The following ATG7 variants were observed in gnomAD, a reference collection of about 807,000 sequenced individuals.
ATG7 encodes autophagy related 7, also known as ubiquitin-like modifier-activating enzyme ATG7.
Under a neutral mutation model 82.4 loss-of-function variants are expected in ATG7, and 70 were observed. The ratio of observed to expected loss-of-function variants is 0.85; its 90% CI spans 0.70 to 1.04. The LOEUF is 1.04. Ranked by LOEUF, ATG7 falls within the 50% of genes least tolerant of loss-of-function variation. The pLI is 0.00. For synonymous variants in ATG7, 287 were observed against 313.0 expected (o/e 0.92, Z 0.88); for missense variants, 792 against 864.3 (o/e 0.92, Z 1.05).
chr3:11,417,800 A>ATTATTTTTTTTTTTTTTTTTT (rs1553652380), intron 19 of ATG7, among the ~76,000 whole-genome samples: 12 of 109,368 alleles, frequency 1.1e-4, no homozygotes, highest in African/African-American at 1.6e-4. Context: ...TATTATTATT[A>ATTATTTTTTTTTTTTTTTTTT]TTTTATTTTA....
intron 20 of ATG7, among the ~76,000 whole-genome samples, chr3:11,461,161 C>T (rs947587757): frequency 1.3e-5 from 2 of 152,152 alleles, no homozygotes; most frequent in African/African-American, 4.8e-5. Context: ...GGTGTCAGTG[C>T]TGGGCAGGTT....
chr3:11,289,849 T>G (rs1168889512), intron 3 of ATG7, among the ~76,000 whole-genome samples: 2 of 151,786 alleles, frequency 1.3e-5, no homozygotes, highest in Admixed American at 6.5e-5. Context: ...CATGGACCAC[T>G]GCACTGGGCC....
At chr3:11,352,320 A>G (rs568450439) in intron 14 of ATG7, among the ~76,000 whole-genome samples, 3 of 152,332 alleles carry the variant, frequency 2.0e-5, no homozygotes, top group East Asian at 1.9e-4. Context: ...ATATGTGTGC[A>G]TGTGTCTTTA....
At chr3:11,413,880 C>G (rs1250957827) in intron 19 of ATG7, among the ~76,000 whole-genome samples, 1 of 152,182 alleles carries the variant, frequency 6.6e-6, no homozygotes, top group Non-Finnish European at 1.5e-5. Context: ...CAGGAGATTT[C>G]TGATTACTGA....
intron 13 of ATG7, among the ~76,000 whole-genome samples, chr3:11,344,057 TG>T (rs1358461517): frequency 1.3e-5 from 2 of 152,192 alleles, no homozygotes; most frequent in Non-Finnish European, 2.9e-5. Context: ...TATTTAATGA[TG>T]TTTTTTCCTT....
At chr3:11,529,508 G>C (rs1223029772) in intron 20 of ATG7, 1 of 154,020 alleles carries the variant, frequency 6.5e-6, no homozygotes, top group Non-Finnish European at 1.5e-5. Context: ...AGCTTGTCCT[G>C]TTGGCCTTGG....
the ATG7 span, among the ~76,000 whole-genome samples, chr3:11,571,234 C>T: frequency 6.6e-6 from 1 of 152,166 alleles, no homozygotes; most frequent in African/African-American, 2.4e-5. Flanking sequence ...CTGTCTCTGC[C>T]TTCTATGCGT....
At position 11,546,162 on chromosome 3, in the gene ATG7, A is replaced by ATTTT. The variant is rs36042370; in HGVS notation, c.2080-8625_2080-8622dup. ...AAAAGTAAAGAAATGCCAAAACTGG[A>ATTTT]TTTTTTTTTTTTTTTTTTTTTTTTT... is the stretch of plus-strand genomic sequence containing the variant. On this transcript the variant is annotated intron_variant, in intron 20 of 20. Coordinates refer to ENST00000693202, the MANE Select transcript of ATG7 (RefSeq NM_001349232.2). Among the ~76,000 whole-genome samples, 216 of 68,896 alleles carry ATTTT rather than the reference A, an allele frequency of 3.1e-3. 26 individuals carry two copies. Among genetic ancestry groups the ATTTT allele is most frequent in the African/African-American group, 0.012 (203 of 17,076 alleles). 45.2% of individuals were successfully genotyped at this position (68,896 alleles called of 152,430 possible). A position where few individuals can be genotyped will look rare whatever the true frequency, so the allele number is the denominator to read the frequency against.
intron 20 of ATG7, among the ~76,000 whole-genome samples, chr3:11,525,787 G>A (rs1156662629): frequency 6.6e-6 from 1 of 151,396 alleles, no homozygotes; most frequent in African/African-American, 2.4e-5. Flanking sequence ...ATCTCCTGAC[G>A]TTGTGATCTG....
At chr3:11,343,193 T>A (rs1953950670) in intron 13 of ATG7, among the ~76,000 whole-genome samples, 1 of 152,310 alleles carries the variant, frequency 6.6e-6, no homozygotes, top group East Asian at 1.9e-4. Flanking sequence ...CCTCCCAAAG[T>A]GCTGGGTTTA....
At chr3:11,375,574 C>T (rs1471184414) in intron 18 of ATG7, among the ~76,000 whole-genome samples, 2 of 152,110 alleles carry the variant, frequency 1.3e-5, no homozygotes, top group Non-Finnish European at 2.9e-5. Flanking sequence ...TTCCCCTTGC[C>T]CCCAAGATGG....
chr3:11,464,231 G>T (rs2086616634), intron 20 of ATG7, among the ~76,000 whole-genome samples: 1 of 152,178 alleles, frequency 6.6e-6, no homozygotes, highest in South Asian at 2.1e-4. Context: ...AATTGGCCAG[G>T]CATGGTGTTA....
chr3:11,516,192 C>A (rs899687672), intron 20 of ATG7, among the ~76,000 whole-genome samples: 2 of 151,966 alleles, frequency 1.3e-5, no homozygotes, highest in Admixed American at 6.6e-5. Context: ...CAAATAAACA[C>A]ATGAAAAGAT....
intron 20 of ATG7, among the ~76,000 whole-genome samples, chr3:11,527,565 A>G (rs548085956): frequency 2.0e-5 from 3 of 152,288 alleles, no homozygotes; most frequent in Admixed American, 1.3e-4. Context: ...AAACACCTCA[A>G]TTATCAGTAT....
At chr3:11,349,296 T>TGGGAGGCTAAGGC (rs1955095747) in intron 14 of ATG7, among the ~76,000 whole-genome samples, 3 of 152,148 alleles carry the variant, frequency 2.0e-5, no homozygotes, top group African/African-American at 7.2e-5. Flanking sequence ...ACTAGCACTT[T>TGGGAGGCTAAGGC]GGGAGGCTAA....
intron 19 of ATG7, among the ~76,000 whole-genome samples, chr3:11,380,796 A>G (rs2077836451): frequency 6.6e-6 from 1 of 152,218 alleles, no homozygotes; most frequent in Admixed American, 6.5e-5. Context: ...ATACAAAATA[A>G]TGTTGGTGAC....
At chr3:11,459,490 A>C (rs890936371) in intron 20 of ATG7, among the ~76,000 whole-genome samples, 2 of 77,730 alleles carry the variant, frequency 2.6e-5, no homozygotes, top group African/African-American at 1.2e-4. Flanking sequence ...TAAAAACAGG[A>C]GCCAAGTGTT....
intron 14 of ATG7, among the ~76,000 whole-genome samples, chr3:11,354,650 CAAAAAAAAAAAAA>C (rs5846706): frequency 1.6e-5 from 1 of 61,930 alleles, no homozygotes. Context: ...TCCATCTCAC[CAAAAAAAAAAAAA>C]AAAAAAAAAA....
chr3:11,521,652 A>T (rs1265723063), intron 20 of ATG7, among the ~76,000 whole-genome samples: 1 of 151,628 alleles, frequency 6.6e-6, no homozygotes, highest in East Asian at 1.9e-4. Flanking sequence ...TCCTGGGTTC[A>T]CGCCATTCTT....
Sources: allele counts gnomAD v4.1 joint callset (sites outside exome capture counted in the v4.1 genomes callset), GRCh38; gene constraint gnomAD v4.1.1; transcripts MANE v1.5; gene names NCBI Gene and HGNC (gene_info 2026-07-23, HGNC 2026-07-21).